Variants in ZC3HAV1 observed in about 807,000 individuals in gnomAD.
ZC3HAV1 encodes zinc finger CCCH-type containing, antiviral 1.
In ZC3HAV1, 41 loss-of-function variants were observed where a neutral mutation model predicts 86.6. The ratio of observed to expected loss-of-function variants is 0.47; its 90% CI spans 0.37 to 0.61. The LOEUF (loss-of-function observed/expected upper bound fraction) is 0.61, where lower values mean the gene tolerates loss of function less well. Among genes scored for constraint, ZC3HAV1 ranks in the 20% least tolerant of loss-of-function variants. The probability of loss-of-function intolerance (pLI) is 0.00; values close to 1 mark genes in which losing one functional copy is unlikely to be tolerated. For missense variants in ZC3HAV1, 964 were observed against 1,141.1 expected, an observed-to-expected ratio of 0.84 and a Z score of 2.24; for synonymous variants, 421 against 432.1, an observed-to-expected ratio of 0.97 and a Z score of 0.32.
At chr7:139,102,095 G>C (rs1446486101) in intron 1 of ZC3HAV1, among the ~76,000 whole-genome samples, 1 of 151,208 alleles carries the variant, frequency 6.6e-6, no homozygotes, top group Non-Finnish European at 1.5e-5. Flanking sequence ...AATGTTCAAA[G>C]CATAATGGTT....
At chr7:139,104,613 C>A (rs1344235022) in intron 1 of ZC3HAV1, among the ~76,000 whole-genome samples, 1 of 148,868 alleles carries the variant, frequency 6.7e-6, no homozygotes, top group Non-Finnish European at 1.5e-5. Flanking sequence ...GTCCCAGCTA[C>A]GCGGGAGGCT....
chr7:139,107,385 A>C (rs997553283), intron 1 of ZC3HAV1, among the ~76,000 whole-genome samples: 3 of 152,248 alleles, frequency 2.0e-5, no homozygotes, highest in Non-Finnish European at 4.4e-5. Flanking sequence ...TTTGCTCTAA[A>C]GAAATTTTTA....
chr7:139,084,492 C>A (rs1304487766), intron 2 of ZC3HAV1, among the ~76,000 whole-genome samples: 1 of 152,212 alleles, frequency 6.6e-6, no homozygotes, highest in Non-Finnish European at 1.5e-5. Flanking sequence ...TTTGTATTTC[C>A]ATCTAAATAG....
rs1295393435 is a variant in ZC3HAV1, at chr7:139,074,032, TGA to T, written c.1698-4_1698-3del. On this transcript the variant is annotated splice_region_variant and splice_polypyrimidine_tract_variant and intron_variant, in intron 6 of 12. Coordinates refer to ENST00000242351, the MANE Select transcript of ZC3HAV1 (RefSeq NM_020119.4). ...ATTGTATAACTTCCTACAGAACAGC[TGA>T]GAGAGAAAAGTATTAAGTTAACATA... is the stretch of plus-strand genomic sequence containing the variant. 3.7e-6 allele frequency: 6 copies of T among 1,610,352 alleles called. No individual in the cohort carries two copies. Among genetic ancestry groups the T allele is most frequent in the Middle Eastern group, 3.3e-4 (2 of 6,048 alleles).
chr7:139,079,912 A>G lies in ZC3HAV1; in HGVS notation c.1029T>C (p.Asn343=). 1 of 1,614,080 alleles carries G rather than the reference A, an allele frequency of 6.2e-7. No homozygotes were observed. ...NGSQEDLLHG[N]PGSTYLASNS... The stretch of plus-strand genomic sequence containing the variant: ...TGGAAGCAAGGTAAGTGCTGCCTGG[A>G]TTTCCATGCAAGAGGTCCTCTTGAC... Residue 343 remains asparagine, a synonymous_variant, in exon 4 of 13, where the codon AAT becomes AAC. Coordinates refer to ENST00000242351, the MANE Select transcript of ZC3HAV1 (RefSeq NM_020119.4).
rs1340350522 is a variant in ZC3HAV1 at position 139,108,562 on chromosome 7, CG to C, written c.308+461del. Among the ~76,000 whole-genome samples the C allele has an allele frequency of 6.6e-6, 1 of 152,144 alleles. No homozygotes were observed. Among genetic ancestry groups the C allele is most frequent in the Non-Finnish European group, 1.5e-5 (1 of 68,010 alleles). The stretch of plus-strand genomic sequence containing the variant: ...GCGGCTCGCTCCGGCGGAGACGGAC[CG>C]GGGGCCCAGGGCGGCTGGGTTACTG... On this transcript the variant is annotated intron_variant, in intron 1 of 12. Coordinates refer to ENST00000242351, the MANE Select transcript of ZC3HAV1 (RefSeq NM_020119.4). This position sits in a 1 kb window ranked among gnomAD's most constrained non-coding sequence, Gnocchi z 4.2.
At chr7:139,096,022 T>C (rs1369596866) in intron 1 of ZC3HAV1, among the ~76,000 whole-genome samples, 1 of 152,048 alleles carries the variant, frequency 6.6e-6, no homozygotes, top group East Asian at 1.9e-4. Flanking sequence ...TTTTTGTTTG[T>C]TTGTTTTTTG....
rs769861270 is a variant in ZC3HAV1 at position 139,080,053 on chromosome 7, C to T, written c.888G>A (p.Lys296=). 3 of 1,614,206 alleles carry T rather than the reference C, an allele frequency of 1.9e-6. No homozygotes were observed. The South Asian group carries it at 3.3e-5, about 18-fold the overall frequency. ...GATCCTGACTCCCCAGATACGTGAA[C>T]TTGCGGGTGAGATCGTCCACAGGCG... ...EDAPVDDLTR[K]FTYLGSQDRA... The change falls in exon 4 of 13, where the codon AAG becomes AAA. Residue 296 remains lysine, a synonymous_variant. Coordinates refer to ENST00000242351, the MANE Select transcript of ZC3HAV1 (RefSeq NM_020119.4).
intron 7 of ZC3HAV1, among the ~76,000 whole-genome samples, chr7:139,069,615 T>G (rs957354521): frequency 6.6e-6 from 1 of 152,160 alleles, no homozygotes; most frequent in Non-Finnish European, 1.5e-5. Flanking sequence ...TGCCCATCGA[T>G]TCAATCATCA....
intron 1 of ZC3HAV1, among the ~76,000 whole-genome samples, chr7:139,107,111 G>A (rs1817959517): frequency 2.0e-5 from 3 of 152,116 alleles, no homozygotes; most frequent in African/African-American, 7.2e-5. Context: ...ACATAACAAA[G>A]CCTTCCAACC....
At chr7:139,065,405 A>T (rs1242908771) in intron 7 of ZC3HAV1, among the ~76,000 whole-genome samples, 1 of 152,248 alleles carries the variant, frequency 6.6e-6, no homozygotes, top group African/African-American at 2.4e-5. Context: ...TATTCTAGCC[A>T]CGCACGGTTT....
In ZC3HAV1 at chr7:139,079,631, G is replaced by C; in HGVS notation, c.1310C>G (p.Thr437Arg). Residue 437 changes from threonine (T) to arginine (R), a missense_variant, in exon 4 of 13, where the codon ACA (threonine) becomes AGA (arginine). Coordinates refer to ENST00000242351, the MANE Select transcript of ZC3HAV1 (RefSeq NM_020119.4). Reference sequence around the variant, plus strand: ...TAAGGATCTGGTAGAAGTTATATCTGTGGCCACTCCATCAGCATTATTATT... The same window carrying C: ...TAAGGATCTGGTAGAAGTTATATCTCTGGCCACTCCATCAGCATTATTATT... The part of the protein sequence containing the change: ...LFNNNADGVA[T>R]DITSTRSLNY... 6.2e-7 allele frequency: 1 copy of C among 1,614,128 alleles called. No homozygotes were observed. The highest frequency in any genetic ancestry group is 8.5e-7 in the Non-Finnish European group (1 of 1,180,010).
At chr7:139,079,182 C>A (rs554468344) in intron 4 of ZC3HAV1, 15 of 1,536,014 alleles carry the variant, frequency 9.8e-6, no homozygotes, top group Non-Finnish European at 1.3e-5. Flanking sequence ...TGCCCTTGGG[C>A]CCCCCAGACT....
chr7:139,096,949 A>ATGACAAAAACT (rs71520044), intron 1 of ZC3HAV1, among the ~76,000 whole-genome samples: 4 of 151,576 alleles, frequency 2.6e-5, no homozygotes, highest in African/African-American at 9.7e-5. Context: ...CCGGGGCAAC[A>ATGACAAAAACT]TGTCTCTATT....
At chr7:139,047,914 G>A in intron 12 of ZC3HAV1, 61 bp from the exon 13 acceptor site, 1 of 1,529,230 alleles carries the variant, frequency 6.5e-7, no homozygotes, top group South Asian at 1.2e-5. Context: ...CAGTTTATAA[G>A]ATTTGTTATA....
intron 5 of ZC3HAV1, 124 bp downstream of exon 5, chr7:139,078,428 G>T: frequency 1.4e-6 from 1 of 703,248 alleles, no homozygotes; most frequent in Non-Finnish European, 2.4e-6. Context: ...TCCACTTCTG[G>T]GTATATATCC....
chr7:139,065,828 C>T lies in ZC3HAV1; in HGVS notation c.1873-829G>A, dbSNP rs552945888. Among the ~76,000 whole-genome samples the T allele has an allele frequency of 4.6e-5, 7 of 152,100 alleles. No individual in the cohort carries two copies. In the South Asian group the frequency reaches 1.2e-3, roughly 27 times the overall value. On this transcript the variant is annotated intron_variant, in intron 7 of 12. Transcript: ENST00000242351. The stretch of plus-strand genomic sequence containing the variant: ...CTGAGACAGGAGAATCGCTTAAACT[C>T]GGGGGGCGGAGGTTGCAGTGAGCCA...
intron 9 of ZC3HAV1, 44 bp downstream of exon 9, chr7:139,060,992 C>T (rs1457345996): frequency 5.0e-6 from 8 of 1,611,760 alleles, no homozygotes; most frequent in East Asian, 2.2e-5. Context: ...AGGGCATGAA[C>T]ATCTCAAGCA....
intron 7 of ZC3HAV1, among the ~76,000 whole-genome samples, chr7:139,072,434 A>C (rs6972146): frequency 0.31 from 45,944 of 150,222 alleles, 8,641 homozygotes; most frequent in African/African-American, 0.53. Context: ...GATCCACCCC[A>C]CCTCGGCCTC....
Sources: gnomAD v4.1 joint callset for allele counts (sites outside exome capture counted in the v4.1 genomes callset) on GRCh38, gnomAD v4.1.1 for gene constraint, Gnocchi (gnomAD v3.1) non-coding constraint, MANE v1.5 for transcripts, NCBI Gene and HGNC (gene_info 2026-07-23, HGNC 2026-07-21) for gene names.